Variants in EXPH5 observed in about 807,000 individuals in gnomAD.
EXPH5 encodes the protein exophilin 5.
EXPH5 carries 42 observed loss-of-function variants against 41.1 expected under a neutral mutation model. The observed-to-expected ratio is 1.02, with a 90% CI of 0.80 to 1.32. The LOEUF (loss-of-function observed/expected upper bound fraction) is 1.32, where lower values mean the gene tolerates loss of function less well. EXPH5 is among the 40% of genes most tolerant of loss of function. The pLI is 0.00. For missense variants in EXPH5, 2,298 were observed against 2,314.5 expected (o/e 0.99, Z 0.15); for synonymous variants, 798 against 833.5 (o/e 0.96, Z 0.73).
rs895230628 is a variant in EXPH5 at position 108,511,502 on chromosome 11, T to C, written c.4005A>G (p.Ser1335=). The C allele has an allele frequency of 1.3e-6, 2 of 1,591,816 alleles. No homozygotes were observed. Among genetic ancestry groups the C allele is most frequent in the African/African-American group, 2.7e-5 (2 of 73,614 alleles). The change falls in exon 6 of 6, where the codon TCA becomes TCG. Residue 1335 remains serine, a synonymous_variant. Coordinates refer to ENST00000265843, the MANE Select transcript of EXPH5 (RefSeq NM_015065.3). ...ATGTAGGAGCTAGGGGCCCCCTATT[T>C]GATAATCGGAAGGCAGTCATATTTT... is the stretch of plus-strand genomic sequence containing the variant. The part of the protein sequence containing the change: ...TTENMTAFRL[S]NRGPLAPTLQ...
intron 1 of EXPH5, among the ~76,000 whole-genome samples, chr11:108,570,083 T>A (rs1219432053): frequency 6.6e-6 from 1 of 152,010 alleles, no homozygotes; most frequent in South Asian, 2.1e-4. Flanking sequence ...GCCAAGAGAG[T>A]AACTAGGGCC....
At chr11:108,524,077 T>C (rs2093782179) in intron 4 of EXPH5, among the ~76,000 whole-genome samples, 1 of 133,508 alleles carries the variant, frequency 7.5e-6, no homozygotes, top group South Asian at 2.5e-4. Flanking sequence ...TATATATTAT[T>C]ACAGAAATTG....
intron 1 of EXPH5, among the ~76,000 whole-genome samples, chr11:108,566,578 C>T (rs1413872402): frequency 1.3e-5 from 2 of 152,054 alleles, no homozygotes; most frequent in African/African-American, 2.4e-5. Context: ...CCAGGCCGAG[C>T]ATGGTGGCTC....
intron 4 of EXPH5, among the ~76,000 whole-genome samples, chr11:108,523,074 C>T (rs987548305): frequency 3.3e-5 from 5 of 151,972 alleles, no homozygotes; most frequent in African/African-American, 1.2e-4. Flanking sequence ...AATGGGTTTG[C>T]TATGTTGCCC....
chr11:108,575,978 T>A (rs1361423863), intron 1 of EXPH5, among the ~76,000 whole-genome samples: 1 of 152,010 alleles, frequency 6.6e-6, no homozygotes, highest in African/African-American at 2.4e-5. Context: ...AATTAATTAA[T>A]TAAATAAAAT....
At chr11:108,520,986 T>G (rs2093761556) in intron 4 of EXPH5, among the ~76,000 whole-genome samples, 1 of 152,218 alleles carries the variant, frequency 6.6e-6, no homozygotes, top group Admixed American at 6.5e-5. Context: ...CCCCATGCCT[T>G]CACTTTCTTG....
intron 1 of EXPH5, among the ~76,000 whole-genome samples, chr11:108,562,328 C>T (rs1412555845): frequency 2.8e-5 from 4 of 141,724 alleles, no homozygotes; most frequent in Non-Finnish European, 6.0e-5. Flanking sequence ...CTGGGTGGCT[C>T]ACGCCTATAA....
chr11:108,572,303 A>G (rs1006442575), intron 1 of EXPH5, among the ~76,000 whole-genome samples: 2 of 152,214 alleles, frequency 1.3e-5, no homozygotes, highest in African/African-American at 4.8e-5. Flanking sequence ...CCTGCCAAGC[A>G]GTTTTAAAGC....
At chr11:108,551,656 A>G (rs1445388512) in intron 1 of EXPH5, among the ~76,000 whole-genome samples, 2 of 151,878 alleles carry the variant, frequency 1.3e-5, no homozygotes, top group Non-Finnish European at 2.9e-5. Context: ...AAGCACCCCA[A>G]TCTCTGTCAA....
Position 108,509,393 on chromosome 11 carries a change from G to A in EXPH5, c.*144C>T. ...TCAGGAAGTGTCTATATAGGGTGTGGAGGAAAAAAAAGGAGATGTGGGACA... is the reference window on the plus strand; with the variant it reads ...TCAGGAAGTGTCTATATAGGGTGTGAAGGAAAAAAAAGGAGATGTGGGACA... On this transcript the variant is annotated 3_prime_UTR_variant, in exon 6 of 6. Coordinates refer to ENST00000265843, the MANE Select transcript of EXPH5 (RefSeq NM_015065.3). The A allele has an allele frequency of 1.5e-6, 1 of 675,928 alleles. No individual in the cohort carries two copies. The highest frequency in any genetic ancestry group is 2.4e-6 in the Non-Finnish European group (1 of 417,780). The allele number at this position is 675,928 out of a possible 1,614,324, so 41.9% of individuals were successfully genotyped here. A position where few individuals can be genotyped will look rare whatever the true frequency, so the allele number is the denominator to read the frequency against.
rs1260653924 is a variant in EXPH5, at chr11:108,507,891, C to T, written c.*1646G>A. 6.6e-6 allele frequency: 1 copy of T among 151,180 alleles called. No individual in the cohort carries two copies. Among genetic ancestry groups the T allele is most frequent in the Non-Finnish European group, 1.5e-5 (1 of 68,022 alleles). 9.4% of individuals were successfully genotyped at this position (151,180 alleles called of 1,614,324 possible). ...AGAAAATGTGGGCCAGGCACGGTGG[C>T]TCATGCCTGTAATCCCAGCAGTTTG... On this transcript the variant is annotated 3_prime_UTR_variant, in exon 6 of 6. Coordinates refer to ENST00000265843, the MANE Select transcript of EXPH5 (RefSeq NM_015065.3).
chr11:108,512,892 G>A lies in EXPH5; in HGVS notation c.2615C>T (p.Thr872Ile), dbSNP rs201429012. 6.2e-7 allele frequency: 1 copy of A among 1,614,002 alleles called. No homozygotes were observed. Among genetic ancestry groups the A allele is most frequent in the Non-Finnish European group, 8.5e-7 (1 of 1,179,938 alleles). Residue 872 changes from threonine to isoleucine, a missense_variant, in exon 6 of 6, where the codon ACC becomes ATC. Physicochemically the swap from Thr to Ile is moderately conservative, Grantham distance 89 (BLOSUM62 -1). Coordinates refer to ENST00000265843, the MANE Select transcript of EXPH5 (RefSeq NM_015065.3). ...TGACAGATCTAAAGAATCACACGAG[G>A]TCTTGTGGCCAGGAGTTAACTTGCA... ...SKCKLTPGHK[T>I]SCDSLDLSSA...
Position 108,507,743 on chromosome 11 carries a change from A to T in EXPH5, c.*1794T>A, listed in dbSNP as rs1448259728. On this transcript the variant is annotated 3_prime_UTR_variant, in exon 6 of 6. Coordinates refer to ENST00000265843, the MANE Select transcript of EXPH5 (RefSeq NM_015065.3). ...GGGTTTCGTAGATGATCCTGCAGCA[A>T]AGAATGAATTCCAGGGTGTCAGATC... The T allele has an allele frequency of 6.6e-6, 1 of 152,128 alleles. No individual in the cohort carries two copies. Among genetic ancestry groups the T allele is most frequent in the African/African-American group, 2.4e-5 (1 of 41,422 alleles). The allele number at this position is 152,128 out of a possible 1,614,324, so 9.4% of individuals were successfully genotyped here.
chr11:108,554,173 C>T (rs914250503), intron 1 of EXPH5, among the ~76,000 whole-genome samples: 1 of 151,686 alleles, frequency 6.6e-6, no homozygotes, highest in Non-Finnish European at 1.5e-5. Flanking sequence ...AAGTGATTCT[C>T]CTGCCTCAGC....
In EXPH5 at chr11:108,512,330, T is replaced by G. The variant is rs2093688682; in HGVS notation, c.3177A>C (p.Glu1059Asp). Reference protein sequence around the residue: ...PPPFQIKNNVEDAMGNYMLNK... With the variant: ...PPPFQIKNNVDDAMGNYMLNK... ...TTAACATATAGTTCCCCATTGCATC[T>G]TCCACATTATTTTTGATTTGGAAGG... Residue 1059 changes from glutamate (E) to aspartate (D), a missense_variant, in exon 6 of 6, where the codon GAA (glutamate) becomes GAC (aspartate). By Grantham distance (45) the Glu-to-Asp change is conservative. Coordinates refer to ENST00000265843, the MANE Select transcript of EXPH5 (RefSeq NM_015065.3). 1 of 1,612,948 alleles carries G rather than the reference T, an allele frequency of 6.2e-7. No homozygotes were observed. Among genetic ancestry groups the G allele is most frequent in the Non-Finnish European group, 8.5e-7 (1 of 1,179,658 alleles).
At chr11:108,603,289 C>T in the EXPH5 span, among the ~76,000 whole-genome samples, 1 of 152,176 alleles carries the variant, frequency 6.6e-6, no homozygotes, top group African/African-American at 2.4e-5. Context: ...GATAGAGGTG[C>T]TAGTTGTACA....
At chr11:108,538,958 A>C (rs1158931368) in intron 3 of EXPH5, 66 bp downstream of exon 3, 2 of 1,355,514 alleles carry the variant, frequency 1.5e-6, no homozygotes, top group Admixed American at 4.8e-5. Context: ...TTTGAACACA[A>C]AACAGGCTGC....
At chr11:108,606,641 C>T in the EXPH5 span, among the ~76,000 whole-genome samples, 2 of 152,170 alleles carry the variant, frequency 1.3e-5, no homozygotes, top group African/African-American at 4.8e-5. Flanking sequence ...CGGCTCAAGG[C>T]TCACTTTGTG....
chr11:108,510,836 ATCTT>A lies in EXPH5; in HGVS notation c.4667_4670del (p.Glu1556ValfsTer26). On this transcript the variant is annotated frameshift_variant, in exon 6 of 6. Transcript: ENST00000265843. LOFTEE classifies it low-confidence loss of function (END_TRUNC). ...GATCCCAAGCTGACTTCTGCATTTC[ATCTT>A]CAGCCTTCCTGCTCTCTGTCATATT... 5.6e-6 allele frequency: 9 copies of A among 1,614,076 alleles called. No homozygotes were observed. The highest frequency in any genetic ancestry group is 7.6e-6 in the Non-Finnish European group (9 of 1,180,020).
Sources: gnomAD v4.1 joint callset for allele counts (sites outside exome capture counted in the v4.1 genomes callset) on GRCh38, gnomAD v4.1.1 for gene constraint, MANE v1.5 for transcripts, NCBI Gene and HGNC (gene_info 2026-07-23, HGNC 2026-07-21) for gene names.